SPTB: variants seen among roughly 807,000 people sequenced by gnomAD.
SPTB encodes the protein spectrin beta, erythrocytic, also known as spectrin beta chain, erythrocytic.
A neutral mutation model predicts 256.2 loss-of-function variants in SPTB; 45 were observed. The ratio of observed to expected loss-of-function variants is 0.18; its 90% CI spans 0.14 to 0.23. The LOEUF is 0.23. Among genes scored for constraint, SPTB ranks in the 10% least tolerant of loss-of-function variants. SPTB has a pLI of 1.00. For synonymous variants in SPTB, 1,231 were observed against 1,243.1 expected (o/e 0.99, Z 0.21); for missense variants, 2,715 against 3,040.4 (o/e 0.89, Z 2.52).
In SPTB at chr14:64,852,658, G is replaced by C. The variant is rs758198955; in HGVS notation, c.-52+27134C>G. Among the ~76,000 whole-genome samples, 3 of 152,178 alleles carry C rather than the reference G, an allele frequency of 2.0e-5. No individual in the cohort carries two copies. Among genetic ancestry groups the C allele is most frequent in the Non-Finnish European group, 4.4e-5 (3 of 68,032 alleles). Reference sequence around the variant, plus strand: ...TGGTAGGTGAGTGGAAATAGCAAGTGAGAGAAAGGGAAGAGCCAAGAATGA... The same window carrying C: ...TGGTAGGTGAGTGGAAATAGCAAGTCAGAGAAAGGGAAGAGCCAAGAATGA... On this transcript the variant is annotated intron_variant, in intron 1 of 35. Coordinates refer to ENST00000644917, the MANE Select transcript of SPTB (RefSeq NM_001355436.2). The surrounding 1 kb of genome is among the most constrained non-coding windows in gnomAD (Gnocchi z 4.2).
At position 64,800,799 on chromosome 14, in the gene SPTB, G is replaced by A. The variant is rs778701629; in HGVS notation, c.833C>T (p.Ser278Phe). ...CTCCACTGCCAGCACCTTCATCTTG[G>A]AGAAGTAGTGGTAAAAGGCCACCAC... ...TYVVAFYHYFSKMKVLAVEGK... is the reference protein window; with the variant it reads ...TYVVAFYHYFFKMKVLAVEGK... The change falls in exon 8 of 36, where the codon TCC (serine) becomes TTC (phenylalanine). Residue 278 changes from serine to phenylalanine, a missense_variant. Coordinates refer to ENST00000644917, the MANE Select transcript of SPTB (RefSeq NM_001355436.2). 1.1e-5 allele frequency: 17 copies of A among 1,614,240 alleles called. No individual in the cohort carries two copies. The highest frequency in any genetic ancestry group is 1.4e-5 in the Non-Finnish European group (17 of 1,180,054).
Position 64,792,927 on chromosome 14 carries a change from C to G in SPTB, c.2666+70G>C. On this transcript the variant is annotated intron_variant, in intron 14 of 35. Coordinates refer to ENST00000644917, the MANE Select transcript of SPTB (RefSeq NM_001355436.2). The surrounding 1 kb of genome is among the most constrained non-coding windows in gnomAD (Gnocchi z 4.2). ...ACCTTTGCTGATCCAGAGACTATTA[C>G]CAAACTAGGTGGGAGATGGTGCCCA... 1.2e-6 allele frequency: 2 copies of G among 1,608,976 alleles called. No homozygotes were observed. The highest frequency in any genetic ancestry group is 1.7e-6 in the Non-Finnish European group (2 of 1,177,100).
In SPTB at chr14:64,818,306, C is replaced by T. The variant is rs185890382; in HGVS notation, c.148+4641G>A. Among the ~76,000 whole-genome samples the T allele has an allele frequency of 5.3e-5, 8 of 152,290 alleles. No homozygotes were observed. The Middle Eastern group carries it at 0.01, about 194-fold the overall frequency. ...AGGCTCCGGACTGCTCCCTGCACTG[C>T]GAGATGCCTCTGTGAGCCGAGGAGC... is the stretch of plus-strand genomic sequence containing the variant. On this transcript the variant is annotated intron_variant, in intron 2 of 35. Coordinates refer to ENST00000644917, the MANE Select transcript of SPTB (RefSeq NM_001355436.2).
chr14:64,869,271 G>A (rs770068678), intron 1 of SPTB, among the ~76,000 whole-genome samples: 1 of 152,110 alleles, frequency 6.6e-6, no homozygotes, highest in Admixed American at 6.6e-5. Flanking sequence ...AATAAATGTT[G>A]ACTTACTGTT....
At chr14:64,875,394 A>T (rs990261904) in intron 1 of SPTB, among the ~76,000 whole-genome samples, 3 of 152,232 alleles carry the variant, frequency 2.0e-5, no homozygotes, top group Non-Finnish European at 2.9e-5. Context: ...GCAGCAACAG[A>T]GGGAAACACA....
chr14:64,830,334 CTTA>C (rs143669491), intron 1 of SPTB, among the ~76,000 whole-genome samples: 7,864 of 138,412 alleles, frequency 0.057, 242 homozygotes, highest in Non-Finnish European at 0.071. Flanking sequence ...ACTCTGGAGT[CTTA>C]TTATTATTAT....
In SPTB at chr14:64,793,890, G is replaced by A. The variant is rs1440565326; in HGVS notation, c.1796-23C>T. The A allele has an allele frequency of 1.9e-6, 3 of 1,586,400 alleles. No individual in the cohort carries two copies. The highest frequency in any genetic ancestry group is 3.4e-5 in the Admixed American group (2 of 58,756). On this transcript the variant is annotated intron_variant, in intron 13 of 35. Coordinates refer to ENST00000644917, the MANE Select transcript of SPTB (RefSeq NM_001355436.2). This position sits in a 1 kb window ranked among gnomAD's most constrained non-coding sequence, Gnocchi z 7.0. ...ACCCTGGAAGAAATAGGGGGAAGGAGGACAAAGTGGGGGATGGGCTTCATT... is the reference window on the plus strand; with the variant it reads ...ACCCTGGAAGAAATAGGGGGAAGGAAGACAAAGTGGGGGATGGGCTTCATT...
At chr14:64,766,895 G>A (rs928442072) in intron 31 of SPTB, 94 bp from the exon 32 acceptor site, 2 of 1,490,746 alleles carry the variant, frequency 1.3e-6, no homozygotes, top group Non-Finnish European at 1.8e-6. Context: ...CCACAGGGAG[G>A]AGCACCAAAT....
intron 2 of SPTB, among the ~76,000 whole-genome samples, chr14:64,813,517 T>C (rs1226244128): frequency 6.6e-6 from 1 of 151,234 alleles, no homozygotes; most frequent in African/African-American, 2.4e-5. Flanking sequence ...TTGTTGTTGT[T>C]GTTTTCTGTT....
In SPTB at chr14:64,805,042, G is replaced by A. The variant is rs1242475998; in HGVS notation, c.197C>T (p.Ser66Leu). Residue 66 changes from serine to leucine, a missense_variant, in exon 3 of 36, where the codon TCG (serine) becomes TTG (leucine). Physicochemically the swap from Ser to Leu is moderately radical, Grantham distance 145. Around this residue, in one of 4 missense-constraint regions of SPTB, gnomAD observed 416 missense variants for 571.1 expected, o/e 0.73. Coordinates refer to ENST00000644917, the MANE Select transcript of SPTB (RefSeq NM_001355436.2). ...GCGGCAGGACACTCGAGCCAGGTGC[G>A]AGTTCACCCATTTCGTGAAGGTCTT... Reference protein sequence around the residue: ...QKKTFTKWVNSHLARVSCRIT... With the variant: ...QKKTFTKWVNLHLARVSCRIT... 5 of 1,614,158 alleles carry A rather than the reference G, an allele frequency of 3.1e-6. No homozygotes were observed. Among genetic ancestry groups the A allele is most frequent in the Admixed American group, 1.7e-5 (1 of 60,024 alleles).
intron 1 of SPTB, among the ~76,000 whole-genome samples, chr14:64,838,907 T>C (rs886327571): frequency 2.6e-5 from 4 of 151,946 alleles, no homozygotes; most frequent in African/African-American, 9.7e-5. Context: ...CCGACGCAGG[T>C]GGATCACCTG....
At chr14:64,865,756 C>T (rs1259179604) in intron 1 of SPTB, among the ~76,000 whole-genome samples, 4 of 152,260 alleles carry the variant, frequency 2.6e-5, no homozygotes, top group Admixed American at 1.3e-4. Context: ...TTTGCCCTCA[C>T]GGGTATAGGT....
In SPTB at chr14:64,749,074, C is replaced by A; in HGVS notation, c.*232G>T. The A allele has an allele frequency of 2.2e-6, 1 of 459,248 alleles. No individual in the cohort carries two copies. Among genetic ancestry groups the A allele is most frequent in the Admixed American group, 4.1e-5 (1 of 24,344 alleles). The allele number at this position is 459,248 out of a possible 1,614,324, so 28.4% of individuals were successfully genotyped here. A position where few individuals can be genotyped will look rare whatever the true frequency, so the allele number is the denominator to read the frequency against. The stretch of plus-strand genomic sequence containing the variant: ...GGAGGCCCCAAAGGCGCCAGAGGAG[C>A]TGGGAGCCCCTGTCCCTGGAGCGGA... On this transcript the variant is annotated 3_prime_UTR_variant, in exon 36 of 36. Transcript: ENST00000644917. The surrounding 1 kb of genome is among the most constrained non-coding windows in gnomAD (Gnocchi z 4.7).
At chr14:64,865,076 T>C (rs1319067225) in intron 1 of SPTB, among the ~76,000 whole-genome samples, 1 of 152,064 alleles carries the variant, frequency 6.6e-6, no homozygotes, top group Non-Finnish European at 1.5e-5. Context: ...TGATGAGTCT[T>C]GATGCTTTAA....
intron 2 of SPTB, among the ~76,000 whole-genome samples, chr14:64,821,307 T>G (rs1376864776): frequency 1.3e-5 from 2 of 152,222 alleles, no homozygotes; most frequent in African/African-American, 4.8e-5. Flanking sequence ...TATACTGAAT[T>G]CATCTCTGTG....
chr14:64,796,474 C>T lies in SPTB; in HGVS notation c.1341+83G>A. ...GGCACGAGGAGAGGCTGTGAGAAGCCAGCTTGGACTCCAGCCCAGCCAAGA... is the reference window on the plus strand; with the variant it reads ...GGCACGAGGAGAGGCTGTGAGAAGCTAGCTTGGACTCCAGCCCAGCCAAGA... On this transcript the variant is annotated intron_variant, in intron 11 of 35. Coordinates refer to ENST00000644917, the MANE Select transcript of SPTB (RefSeq NM_001355436.2). The surrounding 1 kb of genome is among the most constrained non-coding windows in gnomAD (Gnocchi z 4.1). The T allele has an allele frequency of 6.3e-7, 1 of 1,595,834 alleles. No homozygotes were observed. The highest frequency in any genetic ancestry group is 8.6e-7 in the Non-Finnish European group (1 of 1,167,170).
chr14:64,815,052 T>C (rs199821483), intron 2 of SPTB, among the ~76,000 whole-genome samples: 2 of 136,564 alleles, frequency 1.5e-5, no homozygotes, highest in East Asian at 4.3e-4. Flanking sequence ...GTTTTGGGAG[T>C]GGGGGTGAGA....
chr14:64,854,392 C>A (rs1433064452), intron 1 of SPTB, among the ~76,000 whole-genome samples: 1 of 143,510 alleles, frequency 7.0e-6, no homozygotes, highest in African/African-American at 2.6e-5. Context: ...CATTCTCCTG[C>A]CTCAGCCTCC....
At position 64,827,136 on chromosome 14, in the gene SPTB, C is replaced by T. The variant is rs190771422; in HGVS notation, c.-51-3991G>A. 1.3e-4 allele frequency among the ~76,000 whole-genome samples: 20 copies of T among 152,254 alleles called. No individual in the cohort carries two copies. The East Asian group carries it at 2.7e-3, about 21-fold the overall frequency. ...CCTCTCCCAGCCTGCAGGGTGCTGACGGAGCCCAAGCTAGGACCCATGTCA... is the reference window on the plus strand; with the variant it reads ...CCTCTCCCAGCCTGCAGGGTGCTGATGGAGCCCAAGCTAGGACCCATGTCA... On this transcript the variant is annotated intron_variant, in intron 1 of 35. Coordinates refer to ENST00000644917, the MANE Select transcript of SPTB (RefSeq NM_001355436.2). This position sits in a 1 kb window ranked among gnomAD's most constrained non-coding sequence, Gnocchi z 4.6.
Sources: allele counts gnomAD v4.1 joint callset (sites outside exome capture counted in the v4.1 genomes callset), GRCh38; gene constraint gnomAD v4.1.1; regional missense constraint gnomAD v4.1.1; non-coding constraint Gnocchi (gnomAD v3.1); transcripts MANE v1.5; gene names NCBI Gene and HGNC (gene_info 2026-07-23, HGNC 2026-07-21).